Variants in SLIT2 observed in about 807,000 individuals in gnomAD.
The protein encoded by SLIT2 is slit homolog 2 protein.
A neutral mutation model predicts 185.7 loss-of-function variants in SLIT2; 41 were observed. That is an observed-to-expected ratio of 0.22 (90% CI 0.17 to 0.29). SLIT2 has a LOEUF of 0.29. Ranked by LOEUF, SLIT2 falls within the 10% of genes least tolerant of loss-of-function variation. The pLI, the probability that SLIT2 is intolerant of heterozygous loss-of-function variation, is 1.00. For synonymous variants in SLIT2, 693 were observed against 680.2 expected (o/e 1.02, Z -0.29); for missense variants, 1,571 against 1,909.0 (o/e 0.82, Z 3.30).
At chr4:20,345,696 C>T (rs545154104) in intron 4 of SLIT2, among the ~76,000 whole-genome samples, 9 of 141,018 alleles carry the variant, frequency 6.4e-5, no homozygotes, top group South Asian at 2.4e-4. Flanking sequence ...CCACCATGCC[C>T]GGCTAATTTT....
chr4:20,486,040 A>T (rs1466592998), intron 6 of SLIT2, among the ~76,000 whole-genome samples, 160 bp from the exon 7 acceptor site: 1 of 152,176 alleles, frequency 6.6e-6, no homozygotes, highest in East Asian at 1.9e-4. Context: ...TTATGAAATT[A>T]TTTATCAACT....
At position 20,332,089 on chromosome 4, in the gene SLIT2, T is replaced by C. The variant is rs78767719; in HGVS notation, c.395+63208T>C. Reference sequence around the variant, plus strand: ...TGAATTATGCTGCTATGAGCAGTCATGTTGAACTTTTGTGTAGAAGCAATT... The same window carrying C: ...TGAATTATGCTGCTATGAGCAGTCACGTTGAACTTTTGTGTAGAAGCAATT... On this transcript the variant is annotated intron_variant, in intron 4 of 36. Transcript: ENST00000504154. Among the ~76,000 whole-genome samples the C allele has an allele frequency of 5.3e-3, 807 of 152,310 alleles. 10 individuals are homozygous for C. The highest frequency in any genetic ancestry group is 0.018 in the African/African-American group (753 of 41,578).
intron 26 of SLIT2, among the ~76,000 whole-genome samples, chr4:20,563,318 C>T (rs1345970216): frequency 2.0e-5 from 3 of 151,742 alleles, no homozygotes; most frequent in South Asian, 2.1e-4. Flanking sequence ...CTTTCCCCTC[C>T]GTGGCACACA....
At chr4:20,310,910 G>A (rs972570468) in intron 4 of SLIT2, among the ~76,000 whole-genome samples, 1 of 152,056 alleles carries the variant, frequency 6.6e-6, no homozygotes, top group Non-Finnish European at 1.5e-5. Flanking sequence ...TCAGAGACAG[G>A]CTCTTATTCT....
At chr4:20,560,832 T>C (rs1577927492) in intron 26 of SLIT2, among the ~76,000 whole-genome samples, 2 of 151,856 alleles carry the variant, frequency 1.3e-5, no homozygotes, top group East Asian at 1.9e-4. Context: ...ATTAAACAAA[T>C]ATTATTCAAG....
chr4:20,410,141 C>T (rs1242841135), intron 4 of SLIT2, among the ~76,000 whole-genome samples: 1 of 151,566 alleles, frequency 6.6e-6, no homozygotes. Context: ...AAATCTTTGC[C>T]TGTGCCTATG....
chr4:20,377,775 G>T (rs6851454), intron 4 of SLIT2, among the ~76,000 whole-genome samples: 5 of 152,028 alleles, frequency 3.3e-5, no homozygotes, highest in Non-Finnish European at 7.4e-5. Context: ...GGAGGTAGTT[G>T]GTTTCTCAGA....
intron 4 of SLIT2, among the ~76,000 whole-genome samples, chr4:20,401,310 G>A (rs907744679): frequency 6.6e-6 from 1 of 151,934 alleles, no homozygotes; most frequent in Non-Finnish European, 1.5e-5. Flanking sequence ...ATCAGAGCTG[G>A]ACATTTGTTG....
intron 4 of SLIT2, among the ~76,000 whole-genome samples, chr4:20,461,574 C>A (rs1315428762): frequency 2.0e-5 from 3 of 152,016 alleles, no homozygotes; most frequent in African/African-American, 7.2e-5. Context: ...GGTTGGGAGA[C>A]TATTAGGTAA....
rs1159322360 is a variant in SLIT2, at chr4:20,518,557, GTATATATATATA to G, written c.1059-805_1059-794del. 6.0e-3 allele frequency among the ~76,000 whole-genome samples: 108 copies of G among 17,860 alleles called. 5 individuals carry two copies. Among genetic ancestry groups the G allele is most frequent in the East Asian group, 0.017 (9 of 540 alleles). 11.7% of individuals were successfully genotyped at this position (17,860 alleles called of 152,430 possible). A position where few individuals can be genotyped will look rare whatever the true frequency, so the allele number is the denominator to read the frequency against. On this transcript the variant is annotated intron_variant, in intron 11 of 36. Transcript: ENST00000504154. Reference sequence around the variant, plus strand: ...ATGAGCCACTGTGCCCAGCCTATATGTATATATATATATATATATATATATATATATTTTTTT... The same window carrying G: ...ATGAGCCACTGTGCCCAGCCTATATGTATATATATATATATATATTTTTTT...
At chr4:20,598,139 T>C (rs1217679386) in intron 32 of SLIT2, 126 bp from the exon 33 acceptor site, 2 of 793,906 alleles carry the variant, frequency 2.5e-6, no homozygotes, top group Non-Finnish European at 3.8e-6. Flanking sequence ...CAGCATCGTT[T>C]TCTCATAGCC....
chr4:20,264,061 G>A (rs1712778554), intron 3 of SLIT2, among the ~76,000 whole-genome samples: 1 of 151,828 alleles, frequency 6.6e-6, no homozygotes, highest in Non-Finnish European at 1.5e-5. Flanking sequence ...AGAAATACCG[G>A]GAAGTAAGGG....
At position 20,571,572 on chromosome 4, in the gene SLIT2, T is replaced by C. The variant is rs566227799; in HGVS notation, c.3088+2568T>C. On this transcript the variant is annotated intron_variant, in intron 29 of 36. Transcript: ENST00000504154. Reference sequence around the variant, plus strand: ...GGAAGTATGAATGAGGCTCTAGAGTTTTATATCCTACTTCATCCAAGTCTG... The same window carrying C: ...GGAAGTATGAATGAGGCTCTAGAGTCTTATATCCTACTTCATCCAAGTCTG... 7.2e-5 allele frequency among the ~76,000 whole-genome samples: 11 copies of C among 152,248 alleles called. No individual in the cohort carries two copies. The East Asian group carries it at 1.9e-3, about 27-fold the overall frequency.
intron 4 of SLIT2, among the ~76,000 whole-genome samples, chr4:20,360,524 C>CT (rs1722656909): frequency 6.6e-6 from 1 of 152,044 alleles, no homozygotes; most frequent in Admixed American, 6.6e-5. Flanking sequence ...AGAACAATAA[C>CT]TTTGATTTCA....
At chr4:20,379,323 TA>T (rs1724295919) in intron 4 of SLIT2, among the ~76,000 whole-genome samples, 1 of 152,172 alleles carries the variant, frequency 6.6e-6, no homozygotes, top group Non-Finnish European at 1.5e-5. Context: ...TAAAGATTAT[TA>T]AAAATAACGA....
At chr4:20,460,026 G>C (rs1008834830) in intron 4 of SLIT2, among the ~76,000 whole-genome samples, 1 of 151,784 alleles carries the variant, frequency 6.6e-6, no homozygotes, top group African/African-American at 2.4e-5. Context: ...ACCATGACCG[G>C]CTAATTTTTG....
At chr4:20,594,118 C>T (rs569813219) in intron 30 of SLIT2, among the ~76,000 whole-genome samples, 6 of 146,704 alleles carry the variant, frequency 4.1e-5, no homozygotes, top group African/African-American at 1.6e-4. Flanking sequence ...CATATATATA[C>T]ACATGTGCAT....
intron 8 of SLIT2, chr4:20,489,858 G>A (rs1717616082): frequency 2.0e-5 from 3 of 152,258 alleles, no homozygotes; most frequent in Non-Finnish European, 2.9e-5. Context: ...GGAGGCTGAG[G>A]CGGGCGGATC....
At chr4:20,307,892 C>G (rs983608418) in intron 4 of SLIT2, among the ~76,000 whole-genome samples, 4 of 152,148 alleles carry the variant, frequency 2.6e-5, no homozygotes, top group African/African-American at 9.7e-5. Context: ...CCCCTGACCA[C>G]CTCCAAAGCC....
Sources: gnomAD v4.1 joint callset for allele counts (sites outside exome capture counted in the v4.1 genomes callset) on GRCh38, gnomAD v4.1.1 for gene constraint, MANE v1.5 for transcripts, NCBI Gene and HGNC (gene_info 2026-07-23, HGNC 2026-07-21) for gene names.